Variants in GPR176 observed in about 807,000 individuals in gnomAD.
GPR176 encodes the protein G-protein coupled receptor 176.
A neutral mutation model predicts 35.4 loss-of-function variants in GPR176; 26 were observed. That is an observed-to-expected ratio of 0.74 (90% CI 0.54 to 1.02). The LOEUF is 1.02. Ranked by LOEUF, GPR176 falls within the 50% of genes least tolerant of loss-of-function variation. The pLI, the probability that GPR176 is intolerant of heterozygous loss-of-function variation, is 0.00. For synonymous variants in GPR176, 278 were observed against 271.3 expected, an observed-to-expected ratio of 1.02 and a Z score of -0.24; for missense variants, 597 against 665.3, an observed-to-expected ratio of 0.90 and a Z score of 1.13.
intron 1 of GPR176, among the ~76,000 whole-genome samples, chr15:39,917,582 C>A (rs1386015771): frequency 1.3e-5 from 2 of 151,842 alleles, no homozygotes; most frequent in East Asian, 4.0e-4. Context: ...GCGATCTGCC[C>A]ACCTCGGCCT....
At chr15:39,829,234 G>GT in intron 1 of GPR176, 1 of 1,486,910 alleles carries the variant, frequency 6.7e-7, no homozygotes, top group East Asian at 2.5e-5. Flanking sequence ...AAAGACCAAA[G>GT]ATGTGTCGCT....
At chr15:39,829,282 G>T in intron 1 of GPR176, 1 of 1,419,474 alleles carries the variant, frequency 7.0e-7, no homozygotes, top group Non-Finnish European at 9.2e-7. Flanking sequence ...GAATGGATCA[G>T]GGAAAGAACT....
chr15:39,880,600 T>C (rs548291491), intron 1 of GPR176, among the ~76,000 whole-genome samples: 22 of 152,102 alleles, frequency 1.4e-4, no homozygotes, highest in Non-Finnish European at 3.1e-4. Context: ...TAATGCTTTG[T>C]CTCCTATATA....
chr15:39,894,637 AC>A (rs2033038486), intron 1 of GPR176: 1 of 170,744 alleles, frequency 5.9e-6, no homozygotes, highest in East Asian at 1.9e-4. Context: ...CCGGGCAGAG[AC>A]GCTCCTCACT....
chr15:39,808,172 G>A (rs1899319267), intron 1 of GPR176, among the ~76,000 whole-genome samples: 1 of 152,126 alleles, frequency 6.6e-6, no homozygotes, highest in Non-Finnish European at 1.5e-5. Flanking sequence ...CCATCAAAAT[G>A]CTGATGACTC....
chr15:39,916,004 A>C (rs540059678), intron 1 of GPR176, among the ~76,000 whole-genome samples: 2 of 152,382 alleles, frequency 1.3e-5, no homozygotes, highest in East Asian at 3.9e-4. Context: ...ACCTCTGATG[A>C]TGATTGCCAC....
At chr15:39,839,202 A>G (rs1478112510) in intron 1 of GPR176, among the ~76,000 whole-genome samples, 1 of 152,206 alleles carries the variant, frequency 6.6e-6, no homozygotes, top group Non-Finnish European at 1.5e-5. Flanking sequence ...AAAAGAACAA[A>G]GCTGGAGGCA....
intron 1 of GPR176, among the ~76,000 whole-genome samples, chr15:39,900,183 A>C (rs2033235110): frequency 6.6e-6 from 1 of 151,960 alleles, no homozygotes; most frequent in African/African-American, 2.4e-5. Flanking sequence ...ATGAAGATAA[A>C]GTGCTAATCT....
chr15:39,804,980 G>C (rs1337382065), intron 2 of GPR176, among the ~76,000 whole-genome samples: 7 of 152,178 alleles, frequency 4.6e-5, no homozygotes, highest in Non-Finnish European at 7.3e-5. Context: ...AAGTTTCTTT[G>C]TGAGGTAATA....
chr15:39,919,022 C>A (rs1318387568), intron 1 of GPR176, among the ~76,000 whole-genome samples: 2 of 152,104 alleles, frequency 1.3e-5, no homozygotes, highest in Admixed American at 1.3e-4. Context: ...GTTCAACAGA[C>A]CTTAATAGAA....
At chr15:39,819,007 C>G (rs1900094158) in intron 1 of GPR176, among the ~76,000 whole-genome samples, 2 of 152,232 alleles carry the variant, frequency 1.3e-5, no homozygotes, top group African/African-American at 4.8e-5. Context: ...TTGAAATCAT[C>G]AGCCCTACTT....
At chr15:39,909,085 A>G (rs2033506620) in intron 1 of GPR176, among the ~76,000 whole-genome samples, 1 of 152,190 alleles carries the variant, frequency 6.6e-6, no homozygotes, top group Non-Finnish European at 1.5e-5. Context: ...CAAAGGCTGG[A>G]AAGTTTAAAA....
intron 1 of GPR176, among the ~76,000 whole-genome samples, chr15:39,808,230 T>C (rs1252698391): frequency 1.3e-5 from 2 of 152,122 alleles, no homozygotes; most frequent in African/African-American, 4.8e-5. Flanking sequence ...TCCAGAATCC[T>C]TTTTCCAGAT....
intron 1 of GPR176, among the ~76,000 whole-genome samples, chr15:39,876,067 C>T (rs907748610): frequency 1.3e-5 from 2 of 151,690 alleles, no homozygotes; most frequent in Admixed American, 1.3e-4. Flanking sequence ...GGGAGGATCA[C>T]TAGAGTCCAG....
At chr15:39,883,995 C>T (rs1836847) in intron 1 of GPR176, among the ~76,000 whole-genome samples, 129,684 of 152,182 alleles carry the variant, frequency 0.85, 55,973 homozygotes, top group Middle Eastern at 0.96. Flanking sequence ...GATTTATGGA[C>T]GGATGTGATC....
At chr15:39,831,142 A>C (rs993816125) in intron 1 of GPR176, among the ~76,000 whole-genome samples, 2 of 152,234 alleles carry the variant, frequency 1.3e-5, no homozygotes, top group African/African-American at 4.8e-5. Context: ...GTACTTGAGC[A>C]AACAATGGAA....
At chr15:39,893,630 G>A (rs2032958197) in intron 1 of GPR176, among the ~76,000 whole-genome samples, 1 of 152,196 alleles carries the variant, frequency 6.6e-6, no homozygotes, top group Admixed American at 6.5e-5. Context: ...ACACCTCCCA[G>A]ACGGGGTGGT....
rs543082140 is a variant in GPR176 at position 39,905,694 on chromosome 15, AAC to A, written c.172+14159_172+14160del. The stretch of plus-strand genomic sequence containing the variant: ...CTCCCAAGAATTATACTGCATGAAA[AAC>A]AACCAATCCCAAAAGGTTACATACC... On this transcript the variant is annotated intron_variant, in intron 1 of 2. Coordinates refer to ENST00000561100, the MANE Select transcript of GPR176 (RefSeq NM_007223.3). Among the ~76,000 whole-genome samples the A allele has an allele frequency of 1.3e-4, 20 of 152,340 alleles. No homozygotes were observed. The East Asian group carries it at 3.5e-3, about 26-fold the overall frequency.
chr15:39,882,981 G>A (rs1345547601), intron 1 of GPR176, among the ~76,000 whole-genome samples: 1 of 152,206 alleles, frequency 6.6e-6, no homozygotes, highest in African/African-American at 2.4e-5. Context: ...CTCTCATCCA[G>A]AACCCAAACA....
Sources: allele counts gnomAD v4.1 joint callset (sites outside exome capture counted in the v4.1 genomes callset), GRCh38; gene constraint gnomAD v4.1.1; transcripts MANE v1.5; gene names NCBI Gene and HGNC (gene_info 2026-07-23, HGNC 2026-07-21).